GALNTL6: variants seen among roughly 807,000 people sequenced by gnomAD.
The protein encoded by GALNTL6 is polypeptide N-acetylgalactosaminyltransferase-like 6.
A neutral mutation model predicts 73.7 loss-of-function variants in GALNTL6; 46 were observed. The observed-to-expected ratio is 0.62, with a 90% CI of 0.49 to 0.80. The LOEUF (loss-of-function observed/expected upper bound fraction) is 0.80, where lower values mean the gene tolerates loss of function less well. Ranked by LOEUF, GALNTL6 falls within the 30% of genes least tolerant of loss-of-function variation. GALNTL6 has a pLI of 0.00. For synonymous variants in GALNTL6, 259 were observed against 263.7 expected, an observed-to-expected ratio of 0.98 and a Z score of 0.17; for missense variants, 604 against 755.0, an observed-to-expected ratio of 0.80 and a Z score of 2.34.
At chr4:172,059,329 C>T (rs546241858) in intron 2 of GALNTL6, among the ~76,000 whole-genome samples, 2 of 152,290 alleles carry the variant, frequency 1.3e-5, no homozygotes, top group Non-Finnish European at 2.9e-5. Context: ...CCCAGATTTT[C>T]AATTCCATTG....
intron 5 of GALNTL6, among the ~76,000 whole-genome samples, chr4:172,775,090 A>G (rs1280929446): frequency 3.3e-5 from 5 of 151,986 alleles, no homozygotes; most frequent in Non-Finnish European, 7.4e-5. Context: ...GCAATACATA[A>G]AATAAGGAAA....
chr4:172,781,634 G>T (rs1169760100), intron 5 of GALNTL6, among the ~76,000 whole-genome samples: 1 of 151,906 alleles, frequency 6.6e-6, no homozygotes, highest in Non-Finnish European at 1.5e-5. Flanking sequence ...ACAAAATACG[G>T]ATTTCCAAAA....
At chr4:172,624,272 T>A (rs545352323) in intron 5 of GALNTL6, among the ~76,000 whole-genome samples, 2 of 152,154 alleles carry the variant, frequency 1.3e-5, no homozygotes, top group African/African-American at 2.4e-5. Flanking sequence ...TTTTGTTTTT[T>A]GTTTGTTTGT....
chr4:172,211,392 A>G (rs1272075868), intron 2 of GALNTL6, among the ~76,000 whole-genome samples: 1 of 152,210 alleles, frequency 6.6e-6, no homozygotes, highest in Non-Finnish European at 1.5e-5. Context: ...TTGCTATATT[A>G]AGTTAAACAT....
At chr4:171,874,071 A>G (rs947185374) in intron 2 of GALNTL6, among the ~76,000 whole-genome samples, 1 of 152,170 alleles carries the variant, frequency 6.6e-6, no homozygotes, top group East Asian at 1.9e-4. Flanking sequence ...GTTTCTGTCT[A>G]TTAACTTCCT....
chr4:172,265,745 G>A (rs935150673), intron 3 of GALNTL6, among the ~76,000 whole-genome samples: 1 of 151,926 alleles, frequency 6.6e-6, no homozygotes, highest in African/African-American at 2.4e-5. Context: ...AGATATTTTA[G>A]AATAAAATGG....
intron 10 of GALNTL6, among the ~76,000 whole-genome samples, chr4:172,991,364 A>G (rs4470608): frequency 0.98 from 148,402 of 152,196 alleles, 72,495 homozygotes; most frequent in Middle Eastern, 1. Context: ...TTTTGTATTC[A>G]CGTATGATTT....
At chr4:172,343,008 A>C (rs1008604394) in intron 4 of GALNTL6, among the ~76,000 whole-genome samples, 1 of 152,138 alleles carries the variant, frequency 6.6e-6, no homozygotes, top group African/African-American at 2.4e-5. Context: ...GTGAGCAGAG[A>C]CCCTCCTTCC....
chr4:172,293,484 A>C, intron 3 of GALNTL6, among the ~76,000 whole-genome samples: 1 of 152,036 alleles, frequency 6.6e-6, no homozygotes, highest in East Asian at 1.9e-4. Flanking sequence ...ATTATTATTA[A>C]GTTTATGTAT....
At chr4:171,957,824 C>G (rs1739097670) in intron 2 of GALNTL6, among the ~76,000 whole-genome samples, 1 of 152,074 alleles carries the variant, frequency 6.6e-6, no homozygotes, top group Non-Finnish European at 1.5e-5. Context: ...CTGACCTGTT[C>G]AGATGTCCTC....
chr4:172,805,842 G>A (rs983330769), intron 5 of GALNTL6, among the ~76,000 whole-genome samples: 2 of 152,064 alleles, frequency 1.3e-5, no homozygotes, highest in Non-Finnish European at 2.9e-5. Context: ...GAGAAATGGG[G>A]GGAGTAAATT....
At chr4:172,154,303 G>A (rs1016000376) in intron 2 of GALNTL6, among the ~76,000 whole-genome samples, 2 of 151,988 alleles carry the variant, frequency 1.3e-5, no homozygotes, top group Non-Finnish European at 2.9e-5. Context: ...CGCGATCTCC[G>A]CTCACCACAA....
At chr4:172,716,935 T>A (rs916969602) in intron 5 of GALNTL6, among the ~76,000 whole-genome samples, 4 of 152,212 alleles carry the variant, frequency 2.6e-5, no homozygotes, top group African/African-American at 9.6e-5. Context: ...TATTTTCATA[T>A]ATTAAAATGT....
chr4:172,528,567 G>A (rs139619071), intron 5 of GALNTL6, among the ~76,000 whole-genome samples: 6,273 of 150,924 alleles, frequency 0.042, 409 homozygotes, highest in African/African-American at 0.14. Context: ...GGATGGTCTC[G>A]ATCTCCTGAC....
At chr4:173,011,142 C>T (rs2126497007) in intron 11 of GALNTL6, among the ~76,000 whole-genome samples, 1 of 152,242 alleles carries the variant, frequency 6.6e-6, no homozygotes, top group Non-Finnish European at 1.5e-5. Flanking sequence ...GCCAGTTTGC[C>T]ATTTGTATGT....
intron 3 of GALNTL6, among the ~76,000 whole-genome samples, chr4:172,235,041 A>G (rs1028116262): frequency 1.3e-5 from 2 of 152,184 alleles, no homozygotes; most frequent in Non-Finnish European, 2.9e-5. Context: ...TTTGTCCATT[A>G]TATCTAAATG....
chr4:172,638,675 TTATGA>T (rs1359605401), intron 5 of GALNTL6, among the ~76,000 whole-genome samples: 1 of 152,170 alleles, frequency 6.6e-6, no homozygotes, highest in African/African-American at 2.4e-5. Context: ...CGAAATATAG[TTATGA>T]AAGCTAGGAA....
intron 8 of GALNTL6, among the ~76,000 whole-genome samples, chr4:172,895,433 A>G (rs990859926): frequency 6.7e-5 from 10 of 149,936 alleles, no homozygotes; most frequent in African/African-American, 2.2e-4. Context: ...CTCTGAATCT[A>G]TGGTTCCACT....
chr4:172,701,947 T>G (rs1027904924), intron 5 of GALNTL6, among the ~76,000 whole-genome samples: 23 of 151,670 alleles, frequency 1.5e-4, no homozygotes. Context: ...ATAAATAAAA[T>G]CAAACAAAAT....
Sources: gnomAD v4.1 joint callset for allele counts (sites outside exome capture counted in the v4.1 genomes callset) on GRCh38, gnomAD v4.1.1 for gene constraint, MANE v1.5 for transcripts, NCBI Gene and HGNC (gene_info 2026-07-23, HGNC 2026-07-21) for gene names.